TFEC: variants seen among roughly 807,000 people sequenced by gnomAD.
TFEC encodes the protein class E basic helix-loop-helix protein 34.
Under a neutral mutation model 41.6 loss-of-function variants are expected in TFEC, and 31 were observed. That is an observed-to-expected ratio of 0.74 (90% CI 0.56 to 1.01). The LOEUF is 1.01. TFEC is among the 50% of genes least tolerant of loss of function. The pLI, the probability that TFEC is intolerant of heterozygous loss-of-function variation, is 0.00. For missense variants in TFEC, 402 were observed against 404.1 expected (o/e 0.99, Z 0.04); for synonymous variants, 143 against 140.6 (o/e 1.02, Z -0.12).
chr7:115,971,290 C>G (rs1449189997), intron 3 of TFEC, among the ~76,000 whole-genome samples: 2 of 151,798 alleles, frequency 1.3e-5, no homozygotes, highest in African/African-American at 4.8e-5. Context: ...CTTAGGTATC[C>G]CGTACTAACT....
intron 3 of TFEC, among the ~76,000 whole-genome samples, chr7:116,098,305 G>A (rs1019971083): frequency 6.6e-6 from 1 of 151,904 alleles, no homozygotes; most frequent in Non-Finnish European, 1.5e-5. Context: ...GACTACAGGC[G>A]TGCACCACCA....
intron 3 of TFEC, among the ~76,000 whole-genome samples, chr7:115,960,624 A>G (rs1007649328): frequency 1.3e-5 from 2 of 151,644 alleles, no homozygotes; most frequent in Non-Finnish European, 3.0e-5. Flanking sequence ...TGTATTAAGG[A>G]GAAACTTAAA....
intron 3 of TFEC, among the ~76,000 whole-genome samples, chr7:116,085,303 G>A (rs932271900): frequency 2.6e-5 from 4 of 151,886 alleles, no homozygotes; most frequent in Non-Finnish European, 4.4e-5. Flanking sequence ...TGCATCTGAT[G>A]TGATTGATTT....
intron 3 of TFEC, among the ~76,000 whole-genome samples, chr7:115,960,519 G>A (rs1251221095): frequency 1.3e-5 from 2 of 151,656 alleles, no homozygotes; most frequent in East Asian, 1.9e-4. Flanking sequence ...ATCAAAGATT[G>A]AGTGAAACAC....
rs949923249 is a variant in TFEC, at chr7:115,942,038, T to C, written c.518A>G (p.Asp173Gly). ...AATGGTTCCTTTGTTCCAGCGCATA[T>C]CACTGTAGAATGGAGAGATAACCTT... is the stretch of plus-strand genomic sequence containing the variant. ...GTLIPKSNDP[D>G]MRWNKGTILK... Residue 173 changes from aspartate (D) to glycine (G), a missense_variant and splice_region_variant, in exon 7 of 8, where the codon GAT (aspartate) becomes GGT (glycine). Physicochemically the swap from Asp to Gly is moderately conservative, Grantham distance 94 (BLOSUM62 -1). Transcript: ENST00000265440. The C allele has an allele frequency of 1.2e-6, 2 of 1,611,710 alleles. No individual in the cohort carries two copies. Among genetic ancestry groups the C allele is most frequent in the Non-Finnish European group, 1.7e-6 (2 of 1,178,718 alleles).
chr7:116,151,226 ATAT>A (rs970117957), intron 1 of TFEC, among the ~76,000 whole-genome samples: 6 of 150,390 alleles, frequency 4.0e-5, no homozygotes, highest in Non-Finnish European at 8.9e-5. Flanking sequence ...ATTTCCTTTG[ATAT>A]TATGTCAGAT....
At chr7:116,144,037 G>A (rs1204855911) in intron 1 of TFEC, among the ~76,000 whole-genome samples, 1 of 152,072 alleles carries the variant, frequency 6.6e-6, no homozygotes, top group Non-Finnish European at 1.5e-5. Flanking sequence ...GGCCAACATG[G>A]TGAAACGCTG....
intron 1 of TFEC, among the ~76,000 whole-genome samples, chr7:116,022,306 A>G (rs184057207): frequency 1.4e-3 from 207 of 152,336 alleles, no homozygotes; most frequent in African/African-American, 4.8e-3. Flanking sequence ...TAATTTAAAA[A>G]TGAGGGTGAG....
Position 116,023,227 on chromosome 7 carries a change from T to A in TFEC, c.-73+7406A>T, listed in dbSNP as rs376882428. 2.0e-4 allele frequency among the ~76,000 whole-genome samples: 31 copies of A among 152,288 alleles called. No individual in the cohort carries two copies. In the South Asian group the frequency reaches 6.4e-3, roughly 32 times the overall value. On this transcript the variant is annotated intron_variant, in intron 1 of 7. Coordinates refer to ENST00000265440, the MANE Select transcript of TFEC (RefSeq NM_012252.4). ...CTTATCTATCACATCCAGAAACCAATCTTATTTCCACTTTCTGCAGTGCCA... is the reference window on the plus strand; with the variant it reads ...CTTATCTATCACATCCAGAAACCAAACTTATTTCCACTTTCTGCAGTGCCA...
At chr7:115,961,152 C>T (rs1792524551) in intron 3 of TFEC, among the ~76,000 whole-genome samples, 1 of 151,486 alleles carries the variant, frequency 6.6e-6, no homozygotes, top group African/African-American at 2.4e-5. Flanking sequence ...TAAATCTCAG[C>T]CCAATAGACT....
chr7:116,118,324 G>T (rs977934836), intron 1 of TFEC, among the ~76,000 whole-genome samples: 1 of 151,728 alleles, frequency 6.6e-6, no homozygotes, highest in South Asian at 2.1e-4. Context: ...AAATAAGTTC[G>T]GACCTGCAAA....
chr7:116,035,559 G>T (rs552976435), upstream of TFEC, among the ~76,000 whole-genome samples: 26 of 151,656 alleles, frequency 1.7e-4, no homozygotes, highest in African/African-American at 6.3e-4. Context: ...TTACCAAGAA[G>T]AATAAATGAA....
intron 1 of TFEC, among the ~76,000 whole-genome samples, chr7:116,155,005 CA>C (rs2116485324): frequency 6.6e-6 from 1 of 152,322 alleles, no homozygotes; most frequent in African/African-American, 2.4e-5. Flanking sequence ...CCCTGCTATG[CA>C]CCCCCGGAAG....
chr7:116,124,202 C>T (rs538081861), intron 1 of TFEC, among the ~76,000 whole-genome samples: 13 of 151,996 alleles, frequency 8.6e-5, no homozygotes, highest in South Asian at 2.1e-4. Context: ...AATATAACCA[C>T]GAAAGTTTTT....
intron 1 of TFEC, among the ~76,000 whole-genome samples, chr7:116,148,720 T>C (rs79760655): frequency 0.058 from 8,821 of 152,268 alleles, 315 homozygotes; most frequent in Non-Finnish European, 0.089. Context: ...TTCGGGAATG[T>C]TGAGTTTGAA....
At chr7:115,951,317 C>T (rs1266058930) in intron 5 of TFEC, among the ~76,000 whole-genome samples, 1 of 152,012 alleles carries the variant, frequency 6.6e-6, no homozygotes, top group Non-Finnish European at 1.5e-5. Context: ...CATTCGAGGT[C>T]GTGCAACACT....
At chr7:115,945,871 C>T (rs1791510644) in intron 6 of TFEC, among the ~76,000 whole-genome samples, 1 of 151,652 alleles carries the variant, frequency 6.6e-6, no homozygotes, top group Non-Finnish European at 1.5e-5. Flanking sequence ...CAAGCTCATT[C>T]ATTCCATGTT....
At chr7:115,949,630 G>C (rs1206385212) in intron 6 of TFEC, among the ~76,000 whole-genome samples, 1 of 151,936 alleles carries the variant, frequency 6.6e-6, no homozygotes, top group African/African-American at 2.4e-5. Context: ...ATGGTGCTGG[G>C]AAAACTGGCT....
chr7:115,972,205 AC>A (rs1793164917), intron 3 of TFEC, among the ~76,000 whole-genome samples: 3 of 152,058 alleles, frequency 2.0e-5, no homozygotes, highest in African/African-American at 7.2e-5. Context: ...TATATTTCAA[AC>A]ATCACCTCTT....
Sources: allele counts gnomAD v4.1 joint callset (sites outside exome capture counted in the v4.1 genomes callset), GRCh38; gene constraint gnomAD v4.1.1; transcripts MANE v1.5; gene names NCBI Gene and HGNC (gene_info 2026-07-23, HGNC 2026-07-21).